The following ELL2 variants were observed in gnomAD, a reference collection of about 807,000 sequenced individuals.
ELL2 encodes elongation factor for RNA polymerase II 2.
Under a neutral mutation model 72.8 loss-of-function variants are expected in ELL2, and 21 were observed. The ratio of observed to expected loss-of-function variants is 0.29; its 90% CI spans 0.20 to 0.42. The LOEUF (loss-of-function observed/expected upper bound fraction) is 0.42, where lower values mean the gene tolerates loss of function less well. Ranked by LOEUF, ELL2 falls within the 10% of genes least tolerant of loss-of-function variation. ELL2 has a pLI of 1.00. For synonymous variants in ELL2, 266 were observed against 283.2 expected (o/e 0.94, Z 0.61); for missense variants, 568 against 772.8 (o/e 0.73, Z 3.14).
rs749942662 is a variant in ELL2 at position 95,913,781 on chromosome 5, T to C, written c.471A>G (p.Gly157=). ...NRSTKVIKPG[G]PYVGKRVQIR... is the part of the protein sequence containing the mutation. Reference sequence around the variant, plus strand: ...GATATCTATACAAACCTACATATGGTCCACCGGGTTTGATAACTTTTGTGC... The same window carrying C: ...GATATCTATACAAACCTACATATGGCCCACCGGGTTTGATAACTTTTGTGC... Residue 157 remains glycine (G), a synonymous_variant, in exon 4 of 12, where the codon GGA becomes GGG. Transcript: ENST00000237853. 6.2e-7 allele frequency: 1 copy of C among 1,609,012 alleles called. No homozygotes were observed. The highest frequency in any genetic ancestry group is 8.5e-7 in the Non-Finnish European group (1 of 1,177,974).
chr5:95,954,117 C>T (rs1751526628), intron 1 of ELL2, among the ~76,000 whole-genome samples: 1 of 152,138 alleles, frequency 6.6e-6, no homozygotes, highest in Non-Finnish European at 1.5e-5. Flanking sequence ...TTATATAAGA[C>T]ATGTTAAGTA....
At position 95,961,576 on chromosome 5, in the gene ELL2, T is replaced by C. The variant is rs1000369453; in HGVS notation, c.146A>G (p.Lys49Arg). 58 of 1,591,854 alleles carry C rather than the reference T, an allele frequency of 3.6e-5. No homozygotes were observed. Among genetic ancestry groups the C allele is most frequent in the East Asian group, 4.7e-5 (2 of 42,202 alleles). ...CAGCCTGCCGGCCGGCCCGCTCACC[T>C]TGTGGCTCTGGTAAGTCTCGAGCGC... ...IRALETYQSH[K>R]NLIPFRPSIQ... is the part of the protein sequence containing the mutation. Residue 49 changes from lysine (K) to arginine (R), a missense_variant and splice_region_variant, in exon 1 of 12, where the codon AAG (lysine) becomes AGG (arginine). Physicochemically the swap from Lys to Arg is conservative, Grantham distance 26. Coordinates refer to ENST00000237853, the MANE Select transcript of ELL2 (RefSeq NM_012081.6).
chr5:95,904,642 GATTA>G (rs1261449092), intron 5 of ELL2, among the ~76,000 whole-genome samples: 1 of 152,244 alleles, frequency 6.6e-6, no homozygotes, highest in African/African-American at 2.4e-5. Flanking sequence ...GGCAAAGCCT[GATTA>G]ATTATTTTAG....
chr5:95,889,396 AG>A (rs1748578061), intron 10 of ELL2, among the ~76,000 whole-genome samples: 2 of 152,238 alleles, frequency 1.3e-5, no homozygotes, highest in Non-Finnish European at 2.9e-5. Context: ...CTGTTTGTAA[AG>A]CAAAAGACAG....
intron 5 of ELL2, 126 bp downstream of exon 5, chr5:95,906,397 C>G: frequency 1.0e-6 from 1 of 998,322 alleles, no homozygotes; most frequent in South Asian, 2.0e-5. Context: ...TTTCACATAC[C>G]ACTGATCAAA....
intron 1 of ELL2, among the ~76,000 whole-genome samples, chr5:95,947,836 T>G (rs187487638): frequency 5.3e-5 from 8 of 151,802 alleles, no homozygotes; most frequent in Admixed American, 3.3e-4. Flanking sequence ...AACTAAAGTA[T>G]AATTTAGTTC....
chr5:95,918,411 A>G (rs1006244874), intron 3 of ELL2, among the ~76,000 whole-genome samples: 2 of 152,250 alleles, frequency 1.3e-5, no homozygotes, highest in African/African-American at 4.8e-5. Flanking sequence ...TAATTTTCAG[A>G]AAGCAACATG....
At chr5:95,953,622 G>T (rs750033765) in intron 1 of ELL2, among the ~76,000 whole-genome samples, 4 of 152,134 alleles carry the variant, frequency 2.6e-5, no homozygotes, top group African/African-American at 9.7e-5. Flanking sequence ...AGAAACAAGC[G>T]CTCATAATAG....
chr5:95,946,415 A>T (rs10078406), intron 1 of ELL2, among the ~76,000 whole-genome samples: 106 of 152,222 alleles, frequency 7.0e-4, no homozygotes, highest in African/African-American at 2.4e-3. Flanking sequence ...AAACTCCCTC[A>T]AATTAAGTTC....
chr5:95,896,444 T>C (rs1239531217), intron 8 of ELL2, among the ~76,000 whole-genome samples: 1 of 152,222 alleles, frequency 6.6e-6, no homozygotes, highest in East Asian at 1.9e-4. Context: ...GTTAAACTGA[T>C]AACTCAAACC....
intron 1 of ELL2, among the ~76,000 whole-genome samples, chr5:95,950,291 T>C (rs545563229): frequency 6.6e-6 from 1 of 152,182 alleles, no homozygotes; most frequent in Non-Finnish European, 1.5e-5. Flanking sequence ...TGTTCAAGAG[T>C]CACTTTTTTC....
chr5:95,937,498 C>T (rs1580525120), intron 2 of ELL2, among the ~76,000 whole-genome samples: 1 of 134,320 alleles, frequency 7.4e-6, no homozygotes, highest in Non-Finnish European at 1.5e-5. Context: ...AGCAAGACTC[C>T]GTCTCAAAAA....
chr5:95,888,910 T>G lies in ELL2; in HGVS notation c.1884A>C (p.Ile628=). Residue 628 remains isoleucine, a synonymous_variant, in exon 12 of 12, where the codon ATA becomes ATC. Coordinates refer to ENST00000237853, the MANE Select transcript of ELL2 (RefSeq NM_012081.6). ...CTGCTTGCTGTTGGTCAAATTCACC[T>G]ATTAGCCTTTTGATGTGAGCCAGCT... ...HNKLAHIKRL[I]GEFDQQQAES... 6.2e-7 allele frequency: 1 copy of G among 1,610,470 alleles called. No individual in the cohort carries two copies. Among genetic ancestry groups the G allele is most frequent in the Non-Finnish European group, 8.5e-7 (1 of 1,179,516 alleles).
rs1748459935 is a variant in ELL2, at chr5:95,886,219, C to G, written c.*2652G>C. Reference sequence around the variant, plus strand: ...CATTTGTAAGAATCTAAAAGTCTTGCAGTAGGGGACGAAAAATGATTATAA... The same window carrying G: ...CATTTGTAAGAATCTAAAAGTCTTGGAGTAGGGGACGAAAAATGATTATAA... On this transcript the variant is annotated 3_prime_UTR_variant, in exon 12 of 12. Transcript: ENST00000237853. 1 of 152,116 alleles carries G rather than the reference C, an allele frequency of 6.6e-6. No homozygotes were observed. The highest frequency in any genetic ancestry group is 2.4e-5 in the African/African-American group (1 of 41,438). The allele number at this position is 152,116 out of a possible 1,614,324, so 9.4% of individuals were successfully genotyped here.
chr5:95,958,191 A>C (rs1347380263), intron 1 of ELL2, among the ~76,000 whole-genome samples: 1 of 152,310 alleles, frequency 6.6e-6, no homozygotes, highest in African/African-American at 2.4e-5. Flanking sequence ...CCCCAGAGAG[A>C]ACAGGTTTGA....
chr5:95,947,920 ATT>A (rs1165499927), intron 1 of ELL2, among the ~76,000 whole-genome samples: 1 of 152,122 alleles, frequency 6.6e-6, no homozygotes, highest in Non-Finnish European at 1.5e-5. Context: ...GAACATAAAT[ATT>A]TGTTACCATT....
chr5:95,888,894 G>C lies in ELL2; in HGVS notation c.1900C>G (p.Gln634Glu), dbSNP rs750239854. 1 of 1,608,356 alleles carries C rather than the reference G, an allele frequency of 6.2e-7. No homozygotes were observed. Among genetic ancestry groups the C allele is most frequent in the South Asian group, 1.1e-5 (1 of 90,490 alleles). Residue 634 changes from glutamine to glutamate, a missense_variant, in exon 12 of 12, where the codon CAG (glutamine) becomes GAG (glutamate). By Grantham distance (29) the Gln-to-Glu change is conservative (BLOSUM62 2). Around this residue, in one of 2 missense-constraint regions of ELL2, gnomAD observed 511 missense variants for 728.4 expected, o/e 0.70. Coordinates refer to ENST00000237853, the MANE Select transcript of ELL2 (RefSeq NM_012081.6). ...TTCTAGGACCATGACTCTGCTTGCT[G>C]TTGGTCAAATTCACCTATTAGCCTT... is the stretch of plus-strand genomic sequence containing the variant. Reference protein sequence around the residue: ...IKRLIGEFDQQQAESWS With the variant: ...IKRLIGEFDQEQAESWS
In ELL2 at chr5:95,961,840, C is replaced by A; in HGVS notation, c.-119G>T. The A allele has an allele frequency of 7.8e-7, 1 of 1,278,776 alleles. No individual in the cohort carries two copies. The highest frequency in any genetic ancestry group is 1.0e-6 in the Non-Finnish European group (1 of 971,492). The allele number at this position is 1,278,776 out of a possible 1,614,324, so 79.2% of individuals were successfully genotyped here. On this transcript the variant is annotated 5_prime_UTR_variant, in exon 1 of 12. Coordinates refer to ENST00000237853, the MANE Select transcript of ELL2 (RefSeq NM_012081.6). ...CTAGGGCCATCCCGCTGCTGACGTACTGTCATATACTGCGCGGAGCCAGAC... is the reference window on the plus strand; with the variant it reads ...CTAGGGCCATCCCGCTGCTGACGTAATGTCATATACTGCGCGGAGCCAGAC...
chr5:95,915,665 T>A, intron 3 of ELL2, among the ~76,000 whole-genome samples: 1 of 152,080 alleles, frequency 6.6e-6, no homozygotes, highest in Non-Finnish European at 1.5e-5. Context: ...AGAAAGGTAA[T>A]CTCACCTGGA....
Sources: allele counts gnomAD v4.1 joint callset (sites outside exome capture counted in the v4.1 genomes callset), GRCh38; gene constraint gnomAD v4.1.1; regional missense constraint gnomAD v4.1.1; transcripts MANE v1.5; gene names NCBI Gene and HGNC (gene_info 2026-07-23, HGNC 2026-07-21).